The following CCR7 variants were observed in gnomAD, a reference collection of about 807,000 sequenced individuals.
CCR7 encodes C-C chemokine receptor type 7.
CCR7 carries 11 observed loss-of-function variants against 26.0 expected under a neutral mutation model. The ratio of observed to expected loss-of-function variants is 0.42; its 90% CI spans 0.27 to 0.70. CCR7 has a LOEUF of 0.70. Among genes scored for constraint, CCR7 ranks in the 30% least tolerant of loss-of-function variants. The pLI is 0.23. For synonymous variants in CCR7, 189 were observed against 202.1 expected, an observed-to-expected ratio of 0.94 and a Z score of 0.55; for missense variants, 360 against 504.0, an observed-to-expected ratio of 0.71 and a Z score of 2.74.
chr17:40,558,372 C>T (rs1027540803), intron 2 of CCR7, among the ~76,000 whole-genome samples: 1 of 152,154 alleles, frequency 6.6e-6, no homozygotes, highest in Non-Finnish European at 1.5e-5. Context: ...ATCCCTAGGG[C>T]CCCATCCTCT....
chr17:40,558,005 G>A (rs913753876), intron 2 of CCR7, among the ~76,000 whole-genome samples: 8 of 152,172 alleles, frequency 5.3e-5, no homozygotes, highest in African/African-American at 1.7e-4. Flanking sequence ...CCCAGGCTCC[G>A]GGGGGCCTCT....
At chr17:40,562,624 T>C (rs1160038575) in intron 1 of CCR7, among the ~76,000 whole-genome samples, 1 of 152,198 alleles carries the variant, frequency 6.6e-6, no homozygotes, top group Non-Finnish European at 1.5e-5. Flanking sequence ...TCCCCATTGT[T>C]TTCAGGATAA....
In CCR7 at chr17:40,565,431, C is replaced by T. The variant is rs372237353; in HGVS notation, c.-22G>A. 6.2e-7 allele frequency: 1 copy of T among 1,612,900 alleles called. No homozygotes were observed. Among genetic ancestry groups the T allele is most frequent in the African/African-American group, 1.3e-5 (1 of 74,880 alleles). ...CCATGACGCTCTCTGGGCGGTAAAA[C>T]CACACAGGAAGGCTGTGCCCGGCCT... On this transcript the variant is annotated 5_prime_UTR_variant, in exon 1 of 3. Transcript: ENST00000246657.
At position 40,555,829 on chromosome 17, in the gene CCR7, G is replaced by T; in HGVS notation, c.61-11C>A. 6.3e-7 allele frequency: 1 copy of T among 1,593,566 alleles called. No individual in the cohort carries two copies. The highest frequency in any genetic ancestry group is 1.1e-5 in the South Asian group (1 of 89,540). ...TTGACACAGGCATACCTTCGGGGAAGGAAATGAGGGAAAACAGGCCAGTTT... is the reference window on the plus strand; with the variant it reads ...TTGACACAGGCATACCTTCGGGGAATGAAATGAGGGAAAACAGGCCAGTTT... On this transcript the variant is annotated splice_polypyrimidine_tract_variant and intron_variant, in intron 2 of 2. Coordinates refer to ENST00000246657, the MANE Select transcript of CCR7 (RefSeq NM_001838.4). This position sits in a 1 kb window ranked among gnomAD's most constrained non-coding sequence, Gnocchi z 5.6.
Position 40,565,451 on chromosome 17 carries a change from C to T in CCR7, c.-42G>A, listed in dbSNP as rs529452803. On this transcript the variant is annotated 5_prime_UTR_variant, in exon 1 of 3. Coordinates refer to ENST00000246657, the MANE Select transcript of CCR7 (RefSeq NM_001838.4). ...TAAAACCACACAGGAAGGCTGTGCC[C>T]GGCCTCGCACTACCCCTGTCTGGGG... 17 of 1,606,156 alleles carry T rather than the reference C, an allele frequency of 1.1e-5. No homozygotes were observed. The highest frequency in any genetic ancestry group is 5.3e-5 in the African/African-American group (4 of 74,870).
Position 40,555,756 on chromosome 17 carries a change from G to T in CCR7, c.123C>A (p.Tyr41Ter). 1 of 1,614,220 alleles carries T rather than the reference G, an allele frequency of 6.2e-7. No individual in the cohort carries two copies. The highest frequency in any genetic ancestry group is 8.5e-7 in the Non-Finnish European group (1 of 1,180,036). ...TGGAGCACAAAGACTCGAACAAAGTGTAGTCCACTGTGGTGTTGTCTCCGA... is the reference window on the plus strand; with the variant it reads ...TGGAGCACAAAGACTCGAACAAAGTTTAGTCCACTGTGGTGTTGTCTCCGA... ...DYIGDNTTVD[Y>*]TLFESLCSKK... Residue 41 changes from tyrosine to a stop codon, truncating the protein, a stop_gained, in exon 3 of 3, where the codon TAC becomes TAA. Transcript: ENST00000246657. LOFTEE classifies it high-confidence loss of function. This position sits in a 1 kb window ranked among gnomAD's most constrained non-coding sequence, Gnocchi z 5.6.
intron 2 of CCR7, among the ~76,000 whole-genome samples, chr17:40,557,165 CTT>C (rs540326888): frequency 8.5e-5 from 13 of 152,266 alleles, no homozygotes; most frequent in Non-Finnish European, 1.6e-4. Flanking sequence ...GCTGCTGGAG[CTT>C]TTTTTAGCCG....
chr17:40,562,265 C>T (rs1162887850), intron 1 of CCR7, among the ~76,000 whole-genome samples: 1 of 152,122 alleles, frequency 6.6e-6, no homozygotes, highest in Non-Finnish European at 1.5e-5. Context: ...AATAGAGGCC[C>T]AGAGAGATTA....
chr17:40,558,824 C>T (rs1567830059), intron 2 of CCR7, 69 bp downstream of exon 2: 11 of 1,385,528 alleles, frequency 7.9e-6, no homozygotes, highest in Non-Finnish European at 1.0e-5. Context: ...CCCAGCTCCT[C>T]CACTAAACCC....
rs747001394 is a variant in CCR7 at position 40,554,652 on chromosome 17, C to T, written c.*90G>A. The T allele has an allele frequency of 8.8e-5, 89 of 1,007,422 alleles. No homozygotes were observed. The highest frequency in any genetic ancestry group is 1.1e-4 in the Non-Finnish European group (73 of 673,634). 62.4% of individuals were successfully genotyped at this position (1,007,422 alleles called of 1,614,324 possible). On this transcript the variant is annotated 3_prime_UTR_variant, in exon 3 of 3. Coordinates refer to ENST00000246657, the MANE Select transcript of CCR7 (RefSeq NM_001838.4). ...CTGCTTTTCCCTGAGCAGCTTTTGGCGGGGGGATGTCCTGAGTCATTGCAT... is the reference window on the plus strand; with the variant it reads ...CTGCTTTTCCCTGAGCAGCTTTTGGTGGGGGGATGTCCTGAGTCATTGCAT...
chr17:40,556,150 G>A (rs911443694), intron 2 of CCR7, among the ~76,000 whole-genome samples: 2 of 152,038 alleles, frequency 1.3e-5, no homozygotes, highest in African/African-American at 4.8e-5. Flanking sequence ...CGTGAGGTCC[G>A]CATCATCAGT....
At position 40,556,299 on chromosome 17, in the gene CCR7, A is replaced by T. The variant is rs146374172; in HGVS notation, c.61-481T>A. ...CCAGGTGATTCTTTGGTTTTAAATC[A>T]GTGCTTCTCAAATTTTAACTCCAAT... On this transcript the variant is annotated intron_variant, in intron 2 of 2. Transcript: ENST00000246657. Among the ~76,000 whole-genome samples the T allele has an allele frequency of 8.9e-4, 135 of 152,284 alleles. 1 individual carries two copies. Among genetic ancestry groups the T allele is most frequent in the Non-Finnish European group, 7.9e-4 (54 of 68,014 alleles).
At chr17:40,563,195 C>CA (rs2036672297) in intron 1 of CCR7, among the ~76,000 whole-genome samples, 1 of 152,174 alleles carries the variant, frequency 6.6e-6, no homozygotes, top group Non-Finnish European at 1.5e-5. Context: ...CTGAATCCCT[C>CA]AAACAATGAG....
At chr17:40,558,011 C>G (rs987286976) in intron 2 of CCR7, among the ~76,000 whole-genome samples, 3 of 152,138 alleles carry the variant, frequency 2.0e-5, no homozygotes, top group African/African-American at 7.2e-5. Flanking sequence ...CTCCGGGGGG[C>G]CTCTGGGATG....
In CCR7 at chr17:40,554,930, C is replaced by T. The variant is rs200720683; in HGVS notation, c.949G>A (p.Val317Ile). The part of the protein sequence containing the change: ...AYDVTYSLAC[V>I]RCCVNPFLYA... ...AAGAAAGGGTTGACGCAGCAGCGGACGCAGGCCAGGCTGTAGGTGACGTCG... is the reference window on the plus strand; with the variant it reads ...AAGAAAGGGTTGACGCAGCAGCGGATGCAGGCCAGGCTGTAGGTGACGTCG... Residue 317 changes from valine to isoleucine, a missense_variant, in exon 3 of 3, where the codon GTC (valine) becomes ATC (isoleucine). Physicochemically the swap from Val to Ile is conservative, Grantham distance 29. Transcript: ENST00000246657. The T allele has an allele frequency of 3.2e-5, 52 of 1,614,064 alleles. No individual in the cohort carries two copies. Among genetic ancestry groups the T allele is most frequent in the South Asian group, 6.6e-5 (6 of 91,088 alleles).
chr17:40,560,902 TC>T (rs1309547793), intron 1 of CCR7: 2 of 152,184 alleles, frequency 1.3e-5, no homozygotes, highest in African/African-American at 4.8e-5. Flanking sequence ...CACCGCTCAT[TC>T]CCCTTTTTCA....
chr17:40,559,239 G>A (rs2036627484), intron 1 of CCR7, among the ~76,000 whole-genome samples: 2 of 152,190 alleles, frequency 1.3e-5, no homozygotes, highest in Admixed American at 6.5e-5. Flanking sequence ...CTGCTTCTTG[G>A]AGCTGGGAAG....
intron 1 of CCR7, among the ~76,000 whole-genome samples, chr17:40,563,238 A>AT (rs1299828812): frequency 6.6e-6 from 1 of 151,880 alleles, no homozygotes. Context: ...AAGAGGAGAG[A>AT]TTTTTTCCAA....
In CCR7 at chr17:40,555,525, C is replaced by G; in HGVS notation, c.354G>C (p.Ala118=). 6.2e-7 allele frequency: 1 copy of G among 1,614,036 alleles called. No individual in the cohort carries two copies. The highest frequency in any genetic ancestry group is 8.5e-7 in the Non-Finnish European group (1 of 1,180,016). ...GGACACCGAAGACCCAGGACTTGGCCGCGCTGTAGGCCCAGAAGGGAAGGG... is the reference window on the plus strand; with the variant it reads ...GGACACCGAAGACCCAGGACTTGGCGGCGCTGTAGGCCCAGAAGGGAAGGG... ...LLTLPFWAYS[A]AKSWVFGVHF... The change falls in exon 3 of 3, where the codon GCG becomes GCC. Residue 118 remains alanine (A), a synonymous_variant. Coordinates refer to ENST00000246657, the MANE Select transcript of CCR7 (RefSeq NM_001838.4). The surrounding 1 kb of genome is among the most constrained non-coding windows in gnomAD (Gnocchi z 5.6).
Sources: gnomAD v4.1 joint callset for allele counts (sites outside exome capture counted in the v4.1 genomes callset) on GRCh38, gnomAD v4.1.1 for gene constraint, Gnocchi (gnomAD v3.1) non-coding constraint, MANE v1.5 for transcripts, NCBI Gene and HGNC (gene_info 2026-07-23, HGNC 2026-07-21) for gene names.